The following TXNDC8 variants were observed in gnomAD, a reference collection of about 807,000 sequenced individuals.
TXNDC8 encodes thioredoxin domain containing 8.
Under a neutral mutation model 12.9 loss-of-function variants are expected in TXNDC8, and 15 were observed. That is an observed-to-expected ratio of 1.16 (90% confidence interval 0.78 to 1.79). The LOEUF is 1.79. Ranked by LOEUF, TXNDC8 falls within the 40% of genes most tolerant of loss-of-function variation. The pLI is 0.00. For missense variants in TXNDC8, 128 were observed against 113.2 expected (o/e 1.13, Z -0.59); for synonymous variants, 40 against 35.4 (o/e 1.13, Z -0.46).
Position 110,334,310 on chromosome 9 carries a change from T to A in TXNDC8, c.35A>T (p.Lys12Ile). ...GTGTCCGGCAGCTGTCAAAAATGTT[T>A]TAAATTCATTCTGAAAACAGAAAAT... The change falls in exon 2 of 5, where the codon AAA becomes ATA. Residue 12 changes from lysine (K) to isoleucine (I), a missense_variant. Coordinates refer to ENST00000423740, the MANE Select transcript of TXNDC8 (RefSeq NM_001286946.2). The A allele has an allele frequency of 6.2e-7, 1 of 1,612,774 alleles. No individual in the cohort carries two copies. The highest frequency in any genetic ancestry group is 8.5e-7 in the Non-Finnish European group (1 of 1,178,896).
chr9:110,317,206 CT>C (rs1838915434), intron 3 of TXNDC8, among the ~76,000 whole-genome samples: 3 of 152,178 alleles, frequency 2.0e-5, no homozygotes, highest in Non-Finnish European at 1.5e-5. Context: ...TTCCCGTTTA[CT>C]GGAAGTGTAG....
At chr9:110,329,360 T>TA in intron 2 of TXNDC8, 69 bp from the exon 3 acceptor site, 2 of 1,268,766 alleles carry the variant, frequency 1.6e-6, no homozygotes, top group Non-Finnish European at 2.2e-6. Context: ...TGGAAGTGTC[T>TA]TTTCAGTAGA....
chr9:110,307,160 C>T (rs941383016), intron 3 of TXNDC8, among the ~76,000 whole-genome samples: 11 of 150,782 alleles, frequency 7.3e-5, no homozygotes, highest in African/African-American at 2.0e-4. Flanking sequence ...TGCTGTGTTA[C>T]CTAGGCTGGT....
intron 1 of TXNDC8, among the ~76,000 whole-genome samples, chr9:110,334,536 A>C (rs369970678): frequency 4.6e-5 from 7 of 152,054 alleles, no homozygotes; most frequent in African/African-American, 1.7e-4. Flanking sequence ...GAGCCACCTT[A>C]TCTGGCCATG....
rs112559076 is a variant in TXNDC8, at chr9:110,319,177, G to C, written c.195+6998C>G. ...ACCCTTTAGAGTCCTGCACGTAAGA[G>C]GTTTCTTTTTTTCCTCATGCAGAAC... On this transcript the variant is annotated intron_variant, in intron 3 of 4. Transcript: ENST00000423740. 9.2e-3 allele frequency among the ~76,000 whole-genome samples: 1,401 copies of C among 152,200 alleles called. 18 individuals carry two copies. The highest frequency in any genetic ancestry group is 0.031 in the African/African-American group (1,298 of 41,534).
intron 3 of TXNDC8, among the ~76,000 whole-genome samples, chr9:110,305,822 C>T (rs144236460): frequency 0.13 from 14,131 of 108,428 alleles, 1,488 homozygotes; most frequent in East Asian, 0.46. Context: ...CTTTCCTTTC[C>T]TTTCCTTTCT....
At chr9:110,336,713 G>A (rs10980329) in intron 1 of TXNDC8, among the ~76,000 whole-genome samples, 1,843 of 152,210 alleles carry the variant, frequency 0.012, 18 homozygotes, top group Middle Eastern at 0.02. Flanking sequence ...TTACTATAAG[G>A]TCAATAGGTA....
intron 2 of TXNDC8, among the ~76,000 whole-genome samples, chr9:110,332,822 G>GA (rs1839596483): frequency 1.3e-5 from 2 of 152,212 alleles, no homozygotes; most frequent in South Asian, 4.2e-4. Context: ...GTGTATGTGG[G>GA]AAAAAGATTT....
chr9:110,334,432 C>CAAA, intron 1 of TXNDC8, 112 bp from the exon 2 acceptor site: 1 of 853,168 alleles, frequency 1.2e-6, no homozygotes, highest in Non-Finnish European at 1.8e-6. Context: ...TTTTTAAAGC[C>CAAA]AGGTTATCAC....
intron 3 of TXNDC8, among the ~76,000 whole-genome samples, chr9:110,315,385 A>G (rs1469089627): frequency 6.6e-6 from 1 of 152,138 alleles, no homozygotes; most frequent in African/African-American, 2.4e-5. Context: ...AGTGTGAGCC[A>G]CTGCACCCAG....
intron 3 of TXNDC8, among the ~76,000 whole-genome samples, chr9:110,321,712 A>T (rs1587974344): frequency 7.3e-6 from 1 of 136,206 alleles, no homozygotes; most frequent in South Asian, 2.5e-4. Context: ...ACACCTTCCT[A>T]GTCAGTTCTA....
At chr9:110,333,255 G>C (rs1839611727) in intron 2 of TXNDC8, among the ~76,000 whole-genome samples, 1 of 152,094 alleles carries the variant, frequency 6.6e-6, no homozygotes, top group South Asian at 2.1e-4. Flanking sequence ...CCTGAGCTCT[G>C]CCTCCTGTCA....
chr9:110,329,378 A>T, intron 2 of TXNDC8, 87 bp from the exon 3 acceptor site: 1 of 992,070 alleles, frequency 1.0e-6, no homozygotes, highest in Non-Finnish European at 1.5e-6. Context: ...AGAAAAGAAA[A>T]TTGAACAGAA....
intron 2 of TXNDC8, among the ~76,000 whole-genome samples, chr9:110,326,908 G>A (rs1839341359): frequency 6.9e-6 from 1 of 145,504 alleles, no homozygotes. Flanking sequence ...CAATCATTTT[G>A]TTGGCATTAA....
downstream of TXNDC8, among the ~76,000 whole-genome samples, chr9:110,301,610 G>T (rs1376833327): frequency 6.6e-6 from 1 of 152,130 alleles, no homozygotes; most frequent in African/African-American, 2.4e-5. Context: ...AGTCTGGCTG[G>T]TGTCTTGAAT....
chr9:110,316,980 G>A (rs1222387449), intron 3 of TXNDC8, among the ~76,000 whole-genome samples: 4 of 152,190 alleles, frequency 2.6e-5, no homozygotes, highest in Non-Finnish European at 5.9e-5. Context: ...GTGGAGGGTC[G>A]GATATGGCCC....
At chr9:110,337,730 T>C in intron 1 of TXNDC8, 43 bp downstream of exon 1, 1 of 1,594,470 alleles carries the variant, frequency 6.3e-7, no homozygotes, top group Non-Finnish European at 8.6e-7. Flanking sequence ...GTTCCCAAGA[T>C]GTCCACATTT....
chr9:110,303,148 C>T (rs550220132), downstream of TXNDC8, among the ~76,000 whole-genome samples: 8 of 152,156 alleles, frequency 5.3e-5, no homozygotes, highest in South Asian at 4.1e-4. Context: ...TCAAAGTGCA[C>T]GAGGGCACTA....
At chr9:110,322,508 G>C in intron 3 of TXNDC8, 1 of 985,364 alleles carries the variant, frequency 1.0e-6, no homozygotes, top group Non-Finnish European at 1.2e-6. Context: ...CTTATTGAGG[G>C]CACTTCCATC....
Sources: allele counts gnomAD v4.1 joint callset (sites outside exome capture counted in the v4.1 genomes callset), GRCh38; gene constraint gnomAD v4.1.1; transcripts MANE v1.5; gene names NCBI Gene and HGNC (gene_info 2026-07-23, HGNC 2026-07-21).